The following NAALADL2 variants were observed in gnomAD, a reference collection of about 807,000 sequenced individuals.
The protein encoded by NAALADL2 is N-acetylated alpha-linked acidic dipeptidase like 2.
In NAALADL2, 76 loss-of-function variants were observed where a neutral mutation model predicts 87.2. The ratio of observed to expected loss-of-function variants is 0.87; its 90% CI spans 0.72 to 1.05. NAALADL2 has a LOEUF of 1.05. NAALADL2 is among the 50% of genes least tolerant of loss of function. NAALADL2 has a pLI of 0.00. For synonymous variants in NAALADL2, 354 were observed against 331.0 expected, an observed-to-expected ratio of 1.07 and a Z score of -0.75; for missense variants, 1,089 against 945.8, an observed-to-expected ratio of 1.15 and a Z score of -1.99.
At chr3:175,223,490 G>C (rs1252649699) in intron 2 of NAALADL2, among the ~76,000 whole-genome samples, 1 of 152,030 alleles carries the variant, frequency 6.6e-6, no homozygotes, top group African/African-American at 2.4e-5. Context: ...GAATGAGAGA[G>C]TTCATTTTAT....
intron 1 of NAALADL2, among the ~76,000 whole-genome samples, chr3:174,512,523 A>G (rs1347099673): frequency 6.6e-6 from 1 of 152,158 alleles, no homozygotes; most frequent in Non-Finnish European, 1.5e-5. Context: ...TCTGGTCTTA[A>G]GTGATTTCTA....
Position 175,786,245 on chromosome 3 carries a change from C to G in NAALADL2, c.2190-16760C>G, listed in dbSNP as rs1009760546. Among the ~76,000 whole-genome samples, 23 of 152,056 alleles carry G rather than the reference C, an allele frequency of 1.5e-4. No homozygotes were observed. The East Asian group carries it at 3.9e-3, about 26-fold the overall frequency. ...TGTATTTCCTGAATCTGAACCTTGG[C>G]CTGCCTTGCTAGATTGGGGAAGTTC... On this transcript the variant is annotated intron_variant, in intron 13 of 13. Coordinates refer to ENST00000454872, the MANE Select transcript of NAALADL2 (RefSeq NM_207015.3).
chr3:175,428,653 A>AT (rs1320024260), intron 5 of NAALADL2, among the ~76,000 whole-genome samples: 2 of 151,834 alleles, frequency 1.3e-5, no homozygotes, highest in Admixed American at 6.6e-5. Context: ...AATTCTTTCC[A>AT]TTTTTTTCTA....
intron 1 of NAALADL2, among the ~76,000 whole-genome samples, chr3:175,035,248 A>G (rs1447272195): frequency 6.6e-6 from 1 of 152,184 alleles, no homozygotes; most frequent in Non-Finnish European, 1.5e-5. Context: ...ATTGGTTGAC[A>G]GGTATGTTTT....
upstream of NAALADL2, among the ~76,000 whole-genome samples, chr3:174,856,631 C>T (rs187407833): frequency 6.6e-6 from 1 of 152,078 alleles, no homozygotes; most frequent in Admixed American, 6.6e-5. Flanking sequence ...TCCCAAAATG[C>T]AAAAGTTATG....
At chr3:174,483,862 G>A (rs1233390548) in intron 1 of NAALADL2, among the ~76,000 whole-genome samples, 1 of 151,950 alleles carries the variant, frequency 6.6e-6, no homozygotes, top group African/African-American at 2.4e-5. Flanking sequence ...AAAAGCCCAG[G>A]TGTAGTAGTA....
Position 175,519,508 on chromosome 3 carries a change from T to C in NAALADL2, c.1653+47750T>C, listed in dbSNP as rs543632443. 2.0e-5 allele frequency among the ~76,000 whole-genome samples: 3 copies of C among 152,230 alleles called. No homozygotes were observed. The South Asian group carries it at 6.2e-4, about 32-fold the overall frequency. ...ATAAATGGGGGCACACAAATACACA[T>C]AGAAATATGTCCATTTGCAGAATAG... On this transcript the variant is annotated intron_variant, in intron 9 of 13. Coordinates refer to ENST00000454872, the MANE Select transcript of NAALADL2 (RefSeq NM_207015.3).
At position 174,677,731 on chromosome 3, in the gene NAALADL2, C is replaced by T. The variant is rs149590376; in HGVS notation, c.-114-59910C>T. ...GATTCATTAACACTGAACTCATGGT[C>T]GATAGCATTGTAACTCATGCCTGAA... On this transcript the variant is annotated intron_variant, in intron 2 of 3. Coordinates refer to the NAALADL2 transcript ENST00000434257. 1.0e-3 allele frequency among the ~76,000 whole-genome samples: 159 copies of T among 151,988 alleles called. 1 individual carries two copies. Among genetic ancestry groups the T allele is most frequent in the Admixed American group, 5.3e-3 (81 of 15,228 alleles).
intron 2 of NAALADL2, among the ~76,000 whole-genome samples, chr3:174,555,531 C>T (rs1351838113): frequency 6.6e-6 from 1 of 152,156 alleles, no homozygotes; most frequent in Non-Finnish European, 1.5e-5. Flanking sequence ...AACTCCTGAC[C>T]TCTGGTGGTC....
chr3:175,347,161 G>A (rs1027166125), intron 5 of NAALADL2, among the ~76,000 whole-genome samples: 7 of 152,138 alleles, frequency 4.6e-5, no homozygotes, highest in Non-Finnish European at 8.8e-5. Context: ...AGCTTGTTAA[G>A]CTACCCTCAG....
chr3:174,978,984 C>CT (rs1282482549), intron 1 of NAALADL2, among the ~76,000 whole-genome samples: 6 of 151,962 alleles, frequency 3.9e-5, no homozygotes, highest in Non-Finnish European at 7.4e-5. Context: ...TATTTTTTCT[C>CT]TTTTTTAAAT....
At chr3:175,449,116 T>C (rs896791990) in intron 6 of NAALADL2, among the ~76,000 whole-genome samples, 5 of 152,096 alleles carry the variant, frequency 3.3e-5, no homozygotes, top group Non-Finnish European at 7.4e-5. Context: ...TCTTACTCTA[T>C]TGCCCAGGCT....
chr3:174,586,685 G>T (rs1716763776), intron 2 of NAALADL2, among the ~76,000 whole-genome samples: 1 of 152,144 alleles, frequency 6.6e-6, no homozygotes, highest in Non-Finnish European at 1.5e-5. Flanking sequence ...GTTCCTCATA[G>T]ATAAGGAATG....
At chr3:175,130,319 C>T (rs1727631161) in intron 2 of NAALADL2, among the ~76,000 whole-genome samples, 1 of 151,922 alleles carries the variant, frequency 6.6e-6, no homozygotes, top group South Asian at 2.1e-4. Context: ...TTGATTATTT[C>T]CTTGCTATGA....
chr3:175,221,267 ATTGT>A (rs1183783883), intron 2 of NAALADL2, among the ~76,000 whole-genome samples: 4 of 151,442 alleles, frequency 2.6e-5, no homozygotes, highest in Non-Finnish European at 4.4e-5. Flanking sequence ...TTTAGAAGGC[ATTGT>A]TTAATTTCCA....
At chr3:175,261,132 T>A (rs1181552868) in intron 4 of NAALADL2, among the ~76,000 whole-genome samples, 1 of 152,180 alleles carries the variant, frequency 6.6e-6, no homozygotes. Context: ...CAGTTTATTT[T>A]TTGGGAGAGT....
At chr3:175,007,583 C>T (rs981490909) in intron 1 of NAALADL2, among the ~76,000 whole-genome samples, 1 of 152,102 alleles carries the variant, frequency 6.6e-6, no homozygotes. Context: ...ATTTTAGAAA[C>T]ATTTCCTAAA....
At chr3:174,602,123 A>C (rs1285117699) in intron 2 of NAALADL2, among the ~76,000 whole-genome samples, 1 of 152,060 alleles carries the variant, frequency 6.6e-6, no homozygotes, top group Non-Finnish European at 1.5e-5. Flanking sequence ...TTTCATATAA[A>C]TTTAAGGATT....
chr3:174,612,577 C>T (rs1259954856), intron 2 of NAALADL2, among the ~76,000 whole-genome samples: 1 of 152,054 alleles, frequency 6.6e-6, no homozygotes, highest in Non-Finnish European at 1.5e-5. Context: ...TATTAAAAGA[C>T]TGTGATGCAT....
Sources: gnomAD v4.1 joint callset for allele counts (sites outside exome capture counted in the v4.1 genomes callset) on GRCh38, gnomAD v4.1.1 for gene constraint, MANE v1.5 for transcripts, NCBI Gene and HGNC (gene_info 2026-07-23, HGNC 2026-07-21) for gene names.